Variants in CAMK1D observed in about 807,000 individuals in gnomAD.
CAMK1D encodes calcium/calmodulin-dependent protein kinase type 1D.
In CAMK1D, 9 loss-of-function variants were observed where a neutral mutation model predicts 47.7. That is an observed-to-expected ratio of 0.19 (90% CI 0.11 to 0.33). CAMK1D has a LOEUF of 0.33. Among genes scored for constraint, CAMK1D ranks in the 10% least tolerant of loss-of-function variants. CAMK1D has a pLI of 1.00. For synonymous variants in CAMK1D, 184 were observed against 184.9 expected, an observed-to-expected ratio of 0.99 and a Z score of 0.04; for missense variants, 291 against 488.7, an observed-to-expected ratio of 0.60 and a Z score of 3.81.
intron 2 of CAMK1D, among the ~76,000 whole-genome samples, chr10:12,639,346 A>T (rs529416456): frequency 1.3e-5 from 2 of 152,218 alleles, no homozygotes; most frequent in South Asian, 4.1e-4. Flanking sequence ...TTAGCCGGGC[A>T]TGGTGGTGGG....
chr10:12,421,628 C>G (rs374622780), intron 1 of CAMK1D, among the ~76,000 whole-genome samples: 6 of 135,856 alleles, frequency 4.4e-5, no homozygotes, highest in Non-Finnish European at 9.1e-5. Context: ...TGGGTTCAAG[C>G]GATTCTTCTG....
chr10:12,618,030 C>T (rs767850673), intron 2 of CAMK1D, among the ~76,000 whole-genome samples: 5 of 151,442 alleles, frequency 3.3e-5, no homozygotes, highest in South Asian at 2.1e-4. Flanking sequence ...TCACTATTTA[C>T]GTAATCATTT....
At chr10:12,444,598 T>A (rs571635374) in intron 1 of CAMK1D, among the ~76,000 whole-genome samples, 16 of 152,180 alleles carry the variant, frequency 1.1e-4, no homozygotes, top group Non-Finnish European at 2.1e-4. Context: ...AAGGTGTACA[T>A]TGGTTTGGTC....
chr10:12,373,197 C>T (rs1294426173), intron 1 of CAMK1D, among the ~76,000 whole-genome samples: 1 of 151,944 alleles, frequency 6.6e-6, no homozygotes, highest in East Asian at 1.9e-4. Flanking sequence ...CTTGTAGTCC[C>T]AGCTACTTTG....
intron 2 of CAMK1D, among the ~76,000 whole-genome samples, chr10:12,643,323 G>C (rs970969873): frequency 3.3e-5 from 5 of 152,170 alleles, no homozygotes; most frequent in African/African-American, 4.8e-5. Context: ...CATGCAGTCT[G>C]TGTGAACTTG....
chr10:12,643,816 G>A (rs550682193), intron 2 of CAMK1D, among the ~76,000 whole-genome samples: 56 of 151,650 alleles, frequency 3.7e-4, no homozygotes, highest in Non-Finnish European at 6.5e-4. Context: ...CCTGGGGGGC[G>A]GAGGTTGCAG....
chr10:12,734,345 AATATATATATATATATATAT>A (rs1212612487), intron 3 of CAMK1D, among the ~76,000 whole-genome samples: 2 of 8,478 alleles, frequency 2.4e-4, no homozygotes, highest in African/African-American at 5.8e-4. Flanking sequence ...AAAAAAAAAA[AATATATATATATATATATAT>A]ATATATATAT....
chr10:12,562,712 T>C (rs1335519577), intron 2 of CAMK1D, among the ~76,000 whole-genome samples: 1 of 152,140 alleles, frequency 6.6e-6, no homozygotes, highest in Admixed American at 6.6e-5. Context: ...GATGGGCCCT[T>C]CCCTCTGAGA....
chr10:12,811,880 C>T (rs1400738867), intron 6 of CAMK1D, among the ~76,000 whole-genome samples: 3 of 152,200 alleles, frequency 2.0e-5, no homozygotes, highest in South Asian at 2.1e-4. Context: ...CTTGGGGCTC[C>T]GGGATTTCCG....
intron 5 of CAMK1D, among the ~76,000 whole-genome samples, chr10:12,780,843 C>G (rs1016058905): frequency 1.3e-5 from 2 of 152,184 alleles, no homozygotes; most frequent in African/African-American, 4.8e-5. Flanking sequence ...AGTTTTCTCT[C>G]TTTCTCAACA....
chr10:12,750,399 G>C (rs1328955950), intron 3 of CAMK1D, among the ~76,000 whole-genome samples: 1 of 152,134 alleles, frequency 6.6e-6, no homozygotes, highest in East Asian at 1.9e-4. Flanking sequence ...TGCGCTGAAG[G>C]GTTCTTTTGT....
intron 1 of CAMK1D, among the ~76,000 whole-genome samples, chr10:12,529,805 T>C (rs1371329980): frequency 6.6e-6 from 1 of 152,178 alleles, no homozygotes; most frequent in Non-Finnish European, 1.5e-5. Flanking sequence ...ATATATATTG[T>C]AATGATTTTT....
intron 1 of CAMK1D, among the ~76,000 whole-genome samples, chr10:12,466,672 T>G (rs1014380530): frequency 1.3e-5 from 2 of 151,844 alleles, no homozygotes; most frequent in East Asian, 1.9e-4. Context: ...GATAATGCAT[T>G]AAAAATACTT....
chr10:12,627,480 C>T (rs1045565757), intron 2 of CAMK1D, among the ~76,000 whole-genome samples: 1 of 152,014 alleles, frequency 6.6e-6, no homozygotes, highest in Admixed American at 6.6e-5. Context: ...TAATCATTAC[C>T]CCAGTCAAGG....
chr10:12,639,257 G>A (rs944041509), intron 2 of CAMK1D, among the ~76,000 whole-genome samples: 7 of 152,284 alleles, frequency 4.6e-5, no homozygotes, highest in Admixed American at 3.3e-4. Context: ...AGGCCAAAGC[G>A]GGTGGATCAC....
At chr10:12,736,670 C>A (rs1835203615) in intron 3 of CAMK1D, among the ~76,000 whole-genome samples, 1 of 151,922 alleles carries the variant, frequency 6.6e-6, no homozygotes, top group Admixed American at 6.6e-5. Context: ...GATATGTTGA[C>A]ACGATGTGCT....
At chr10:12,438,814 A>G (rs1166376421) in intron 1 of CAMK1D, among the ~76,000 whole-genome samples, 6 of 152,208 alleles carry the variant, frequency 3.9e-5, no homozygotes, top group Non-Finnish European at 7.3e-5. Context: ...GCTCCATTCT[A>G]CCACAGAGTT....
intron 2 of CAMK1D, among the ~76,000 whole-genome samples, chr10:12,555,333 C>CA (rs1395498119): frequency 6.6e-6 from 1 of 152,206 alleles, no homozygotes; most frequent in Admixed American, 6.5e-5. Context: ...TTGTGTAACT[C>CA]ACAGAAGAAG....
chr10:12,614,274 G>A (rs960315069), intron 2 of CAMK1D, among the ~76,000 whole-genome samples: 1 of 152,218 alleles, frequency 6.6e-6, no homozygotes, highest in Non-Finnish European at 1.5e-5. Context: ...ACACTACCGT[G>A]TAGCAAGTGT....
Sources: gnomAD v4.1 joint callset for allele counts (sites outside exome capture counted in the v4.1 genomes callset) on GRCh38, gnomAD v4.1.1 for gene constraint, MANE v1.5 for transcripts, NCBI Gene and HGNC (gene_info 2026-07-23, HGNC 2026-07-21) for gene names.